Variants in GTF3C3 observed in about 807,000 individuals in gnomAD.
GTF3C3 encodes the protein general transcription factor IIIC subunit 3.
A neutral mutation model predicts 105.2 loss-of-function variants in GTF3C3; 75 were observed. That is an observed-to-expected ratio of 0.71 (90% CI 0.59 to 0.86). The LOEUF (loss-of-function observed/expected upper bound fraction) is 0.86. Ranked by LOEUF, GTF3C3 falls within the 40% of genes least tolerant of loss-of-function variation. The pLI is 0.00. For synonymous variants in GTF3C3, 335 were observed against 370.4 expected (o/e 0.90, Z 1.10); for missense variants, 856 against 1,076.5 (o/e 0.80, Z 2.87).
chr2:196,796,278 T>C (rs1359307471), intron 2 of GTF3C3, among the ~76,000 whole-genome samples: 1 of 152,218 alleles, frequency 6.6e-6, no homozygotes, highest in Non-Finnish European at 1.5e-5. Flanking sequence ...CCAGTCCTTG[T>C]GGGCCTGACT....
At chr2:196,772,008 C>T (rs2125740260) in intron 14 of GTF3C3, 70 bp from the exon 15 acceptor site, 1 of 1,007,854 alleles carries the variant, frequency 9.9e-7, no homozygotes, top group Non-Finnish European at 1.6e-6. Context: ...AAATGAAACC[C>T]TTCAGTGCTG....
Position 196,799,600 on chromosome 2 carries a change from G to A in GTF3C3, c.12C>T (p.Phe4=), listed in dbSNP as rs988711282. The A allele has an allele frequency of 6.2e-7, 1 of 1,612,632 alleles. No individual in the cohort carries two copies. Among genetic ancestry groups the A allele is most frequent in the Non-Finnish European group, 8.5e-7 (1 of 1,178,622 alleles). Reference sequence around the variant, plus strand: ...CCAAGTAGTCGATGAGTTCCGGACTGAACCCTGACATGTTTACAGGGTCTG... The same window carrying A: ...CCAAGTAGTCGATGAGTTCCGGACTAAACCCTGACATGTTTACAGGGTCTG... MSG[F]SPELIDYLEG... is the part of the protein sequence containing the mutation. Residue 4 remains phenylalanine, a synonymous_variant, in exon 1 of 18, where the codon TTC becomes TTT. Coordinates refer to ENST00000263956, the MANE Select transcript of GTF3C3 (RefSeq NM_012086.5).
At chr2:196,796,534 C>G (rs1427672396) in intron 2 of GTF3C3, among the ~76,000 whole-genome samples, 2 of 152,184 alleles carry the variant, frequency 1.3e-5, no homozygotes, top group Non-Finnish European at 2.9e-5. Flanking sequence ...TTCAGGAGTA[C>G]ATGTGCAGGA....
rs1208718403 is a variant in GTF3C3 at position 196,780,279 on chromosome 2, T to TACCAATTATC, written c.1218+270_1218+279dup. The stretch of plus-strand genomic sequence containing the variant: ...AAAAAAGAATAGCTGTCAGAATTAT[T>TACCAATTATC]ACCAATTATCTAATGACAATCTCAA... On this transcript the variant is annotated intron_variant, in intron 9 of 17. Transcript: ENST00000263956. The TACCAATTATC allele has an allele frequency of 6.8e-6, 7 of 1,035,150 alleles. No homozygotes were observed. The African/African-American group carries it at 1.2e-4, about 17-fold the overall frequency. The allele number at this position is 1,035,150 out of a possible 1,614,324, so 64.1% of individuals were successfully genotyped here.
At chr2:196,765,686 T>C (rs996863681) in intron 17 of GTF3C3, among the ~76,000 whole-genome samples, 80 of 151,366 alleles carry the variant, frequency 5.3e-4, no homozygotes, top group African/African-American at 1.7e-3. Context: ...CTATAAAATA[T>C]ATATTCATTT....
At chr2:196,782,310 A>C (rs1181733483) in intron 8 of GTF3C3, among the ~76,000 whole-genome samples, 2 of 152,134 alleles carry the variant, frequency 1.3e-5, no homozygotes, top group African/African-American at 2.4e-5. Flanking sequence ...GTGAGCAATA[A>C]ATTTCTGTTG....
chr2:196,780,806 ATC>A (rs1677221083), intron 8 of GTF3C3, 144 bp from the exon 9 acceptor site: 4 of 967,552 alleles, frequency 4.1e-6, no homozygotes, highest in Non-Finnish European at 5.8e-6. Flanking sequence ...AAGTTCTTAT[ATC>A]TCTCTCAGTC....
intron 13 of GTF3C3, among the ~76,000 whole-genome samples, chr2:196,774,784 T>C (rs1420403546): frequency 6.6e-6 from 1 of 152,222 alleles, no homozygotes; most frequent in Non-Finnish European, 1.5e-5. Flanking sequence ...GGAATATATA[T>C]AAGTGAAGTC....
Position 196,764,483 on chromosome 2 carries a change from T to G in GTF3C3, c.*80A>C. On this transcript the variant is annotated 3_prime_UTR_variant, in exon 18 of 18. Transcript: ENST00000263956. The stretch of plus-strand genomic sequence containing the variant: ...TGAAATTGTCATTTCTATTTTGGAG[T>G]TACAAATAATAAGCCCTGAGACAGA... The G allele has an allele frequency of 1.6e-6, 2 of 1,257,698 alleles. No individual in the cohort carries two copies. Among genetic ancestry groups the G allele is most frequent in the Non-Finnish European group, 2.2e-6 (2 of 927,606 alleles). The allele number at this position is 1,257,698 out of a possible 1,614,324, so 77.9% of individuals were successfully genotyped here.
chr2:196,780,788 CTA>C lies in GTF3C3; in HGVS notation c.1115-128_1115-127del, dbSNP rs1412261847. On this transcript the variant is annotated intron_variant, in intron 8 of 17. Transcript: ENST00000263956. Reference sequence around the variant, plus strand: ...CAGTCAATTCTTAGTGTGGCCAACTCTATTAATAAGTTCTTATATCTCTCTCA... The same window carrying C: ...CAGTCAATTCTTAGTGTGGCCAACTCTTAATAAGTTCTTATATCTCTCTCA... The C allele has an allele frequency of 5.1e-6, 6 of 1,174,362 alleles. No individual in the cohort carries two copies. In the East Asian group the frequency reaches 7.7e-5, roughly 15 times the overall value. 72.7% of individuals were successfully genotyped at this position (1,174,362 alleles called of 1,614,324 possible).
intron 5 of GTF3C3, among the ~76,000 whole-genome samples, chr2:196,789,676 C>A (rs564221390): frequency 2.0e-5 from 3 of 152,220 alleles, no homozygotes; most frequent in South Asian, 4.1e-4. Flanking sequence ...TACCAACTTT[C>A]GTGTTGTATT....
rs886530906 is a variant in GTF3C3, at chr2:196,763,331, G to A, written c.*1232C>T. On this transcript the variant is annotated 3_prime_UTR_variant, in exon 18 of 18. Coordinates refer to ENST00000263956, the MANE Select transcript of GTF3C3 (RefSeq NM_012086.5). ...GTGAGCTAATTTAAGAGAGAAACTC[G>A]GAGCACAGAATGCTCAGTTCCACAG... is the stretch of plus-strand genomic sequence containing the variant. 6.6e-6 allele frequency: 1 copy of A among 152,006 alleles called. No homozygotes were observed. Among genetic ancestry groups the A allele is most frequent in the African/African-American group, 2.4e-5 (1 of 41,372 alleles). 9.4% of individuals were successfully genotyped at this position (152,006 alleles called of 1,614,324 possible).
intron 14 of GTF3C3, among the ~76,000 whole-genome samples, 170 bp downstream of exon 14, chr2:196,772,746 C>T (rs1285719447): frequency 3.9e-5 from 6 of 152,122 alleles, no homozygotes; most frequent in Non-Finnish European, 8.8e-5. Flanking sequence ...GGGATTTGAA[C>T]CCAGAAAGTC....
chr2:196,787,158 T>A (rs1264968867), intron 6 of GTF3C3, among the ~76,000 whole-genome samples: 2 of 149,668 alleles, frequency 1.3e-5, no homozygotes, highest in Admixed American at 1.3e-4. Context: ...TCAAAATACA[T>A]ACATAATCTG....
At position 196,763,903 on chromosome 2, in the gene GTF3C3, T is replaced by C. The variant is rs146840113; in HGVS notation, c.*660A>G. The C allele has an allele frequency of 2.6e-5, 4 of 152,332 alleles. No homozygotes were observed. The highest frequency in any genetic ancestry group is 4.8e-5 in the African/African-American group (2 of 41,572). 9.4% of individuals were successfully genotyped at this position (152,332 alleles called of 1,614,324 possible). ...TTGAAATGGAAACCATGTCCTGTTA[T>C]TGAACAAGCTCTTCTCTATTTTTTC... On this transcript the variant is annotated 3_prime_UTR_variant, in exon 18 of 18. Coordinates refer to ENST00000263956, the MANE Select transcript of GTF3C3 (RefSeq NM_012086.5).
intron 2 of GTF3C3, among the ~76,000 whole-genome samples, chr2:196,794,067 C>A (rs1699597267): frequency 6.6e-6 from 1 of 152,070 alleles, no homozygotes; most frequent in South Asian, 2.1e-4. Flanking sequence ...TTAATCCATT[C>A]ATGATTTAAT....
At position 196,776,997 on chromosome 2, in the gene GTF3C3, A is replaced by C. The variant is rs1055308268; in HGVS notation, c.1391-368T>G. Among the ~76,000 whole-genome samples the C allele has an allele frequency of 2.0e-5, 3 of 152,326 alleles. No individual in the cohort carries two copies. The highest frequency in any genetic ancestry group is 2.1e-4 in the South Asian group (1 of 4,832). On this transcript the variant is annotated intron_variant, in intron 10 of 17. Coordinates refer to ENST00000263956, the MANE Select transcript of GTF3C3 (RefSeq NM_012086.5). This position sits in a 1 kb window ranked among gnomAD's most constrained non-coding sequence, Gnocchi z 4.5. ...ACTCTAATAAATAATACTGCAGTAA[A>C]CATCTTCACATATATAAACCAGAGC...
At chr2:196,770,137 T>C in intron 15 of GTF3C3, 98 bp from the exon 16 acceptor site, 4 of 1,031,682 alleles carry the variant, frequency 3.9e-6, no homozygotes, top group Non-Finnish European at 5.4e-6. Flanking sequence ...TTAACATACA[T>C]AAGGTGGACA....
chr2:196,799,606 T>TG lies in GTF3C3; in HGVS notation c.5dup (p.Gly3ArgfsTer17). The TG allele has an allele frequency of 1.2e-5, 20 of 1,611,962 alleles. No individual in the cohort carries two copies. Among genetic ancestry groups the TG allele is most frequent in the Non-Finnish European group, 1.6e-5 (19 of 1,178,022 alleles). On this transcript the variant is annotated frameshift_variant, in exon 1 of 18. Coordinates refer to ENST00000263956, the MANE Select transcript of GTF3C3 (RefSeq NM_012086.5). LOFTEE classifies it high-confidence loss of function. ...AGTCGATGAGTTCCGGACTGAACCC[T>TG]GACATGTTTACAGGGTCTGTCTGTG...
Sources: gnomAD v4.1 joint callset for allele counts (sites outside exome capture counted in the v4.1 genomes callset) on GRCh38, gnomAD v4.1.1 for gene constraint, Gnocchi (gnomAD v3.1) non-coding constraint, MANE v1.5 for transcripts, NCBI Gene and HGNC (gene_info 2026-07-23, HGNC 2026-07-21) for gene names.